PHF24: variants seen among roughly 807,000 people sequenced by gnomAD.
The protein encoded by PHF24 is PHD finger protein 24, also known as Galpha inhibitory interacting protein.
Under a neutral mutation model 42.6 loss-of-function variants are expected in PHF24, and 25 were observed. The observed-to-expected ratio is 0.59, with a 90% CI of 0.43 to 0.82. The LOEUF (loss-of-function observed/expected upper bound fraction) is 0.82. PHF24 is among the 40% of genes least tolerant of loss of function. The pLI is 0.00. For synonymous variants in PHF24, 185 were observed against 204.8 expected, an observed-to-expected ratio of 0.90 and a Z score of 0.83; for missense variants, 470 against 538.1, an observed-to-expected ratio of 0.87 and a Z score of 1.25.
At chr9:34,829,072 G>A in the PHF24 span, among the ~76,000 whole-genome samples, 7 of 152,120 alleles carry the variant, frequency 4.6e-5, no homozygotes, top group Non-Finnish European at 1.0e-4. Context: ...CTGCAGTAAT[G>A]GTAGCAGTAG....
chr9:34,765,814 G>T, the PHF24 span, among the ~76,000 whole-genome samples: 1 of 152,246 alleles, frequency 6.6e-6, no homozygotes, highest in East Asian at 1.9e-4. Context: ...TTTACAATTT[G>T]GCATGATTTT....
chr9:34,883,217 G>C, the PHF24 span, among the ~76,000 whole-genome samples: 1 of 152,148 alleles, frequency 6.6e-6, no homozygotes, highest in Non-Finnish European at 1.5e-5. Flanking sequence ...ATTAATTCAA[G>C]ATGGATTAAA....
the PHF24 span, among the ~76,000 whole-genome samples, chr9:34,824,546 A>G: frequency 2.6e-5 from 4 of 152,100 alleles, no homozygotes; most frequent in Admixed American, 2.6e-4. Context: ...GTTTGGAACT[A>G]GGTTTGTGGT....
At chr9:34,772,086 CAGGTTTCAGCTG>C in the PHF24 span, among the ~76,000 whole-genome samples, 3 of 152,128 alleles carry the variant, frequency 2.0e-5, no homozygotes, top group Non-Finnish European at 4.4e-5. Flanking sequence ...GGTTTCAGCT[CAGGTTTCAGCTG>C]AGGTTTCAGC....
chr9:34,914,820 C>G, the PHF24 span, among the ~76,000 whole-genome samples: 2 of 151,922 alleles, frequency 1.3e-5, no homozygotes, highest in Admixed American at 1.3e-4. Flanking sequence ...AGGTCTTGCT[C>G]TGTCACCTAG....
chr9:34,697,618 C>G, the PHF24 span, among the ~76,000 whole-genome samples: 3 of 152,192 alleles, frequency 2.0e-5, no homozygotes, highest in East Asian at 1.9e-4. Flanking sequence ...CCGCACCCAG[C>G]CTTCACGTTT....
At chr9:34,976,590 G>T in exon 5 of PHF24, 2 of 1,614,168 alleles carry the variant, frequency 1.2e-6, no homozygotes, top group Middle Eastern at 1.7e-4. Flanking sequence ...CAGCCAAGCG[G>T]GGGGACCGTG....
chr9:34,881,653 TAA>T, the PHF24 span, among the ~76,000 whole-genome samples: 1 of 152,074 alleles, frequency 6.6e-6, no homozygotes, highest in Non-Finnish European at 1.5e-5. Context: ...CTCCCAAGAC[TAA>T]ACCAGGAAGA....
the PHF24 span, among the ~76,000 whole-genome samples, chr9:34,880,044 T>G: frequency 6.6e-6 from 1 of 152,192 alleles, no homozygotes; most frequent in Non-Finnish European, 1.5e-5. Flanking sequence ...GGGGCCAATA[T>G]TCAACATTCT....
At chr9:34,972,270 G>T (rs1827019029) in intron 2 of PHF24, 76 bp from the exon 3 acceptor site, 2 of 1,337,804 alleles carry the variant, frequency 1.5e-6, no homozygotes, top group African/African-American at 2.9e-5. Context: ...CATGCAGGTA[G>T]CTCTGTGCTT....
At chr9:34,964,444 G>T (rs1246861904) in intron 1 of PHF24, among the ~76,000 whole-genome samples, 1 of 152,172 alleles carries the variant, frequency 6.6e-6, no homozygotes, top group Non-Finnish European at 1.5e-5. Flanking sequence ...CATTTAACAG[G>T]CTGCATGAGG....
chr9:34,977,459 T>G, intron 6 of PHF24, 87 bp from the exon 7 acceptor site: 1 of 1,379,218 alleles, frequency 7.3e-7, no homozygotes, highest in South Asian at 1.2e-5. Flanking sequence ...TGGATGAGCA[T>G]GTCCAGAGCC....
chr9:34,685,796 G>T, the PHF24 span, among the ~76,000 whole-genome samples: 1 of 152,184 alleles, frequency 6.6e-6, no homozygotes, highest in African/African-American at 2.4e-5. Flanking sequence ...AAAAGTAGTG[G>T]CTTTCCCTAT....
the PHF24 span, among the ~76,000 whole-genome samples, chr9:34,889,840 G>T: frequency 6.6e-6 from 1 of 152,196 alleles, no homozygotes; most frequent in Non-Finnish European, 1.5e-5. Flanking sequence ...GGCCCAGCAA[G>T]TAATGGCCCA....
the PHF24 span, among the ~76,000 whole-genome samples, chr9:34,857,149 A>G: frequency 2.0e-5 from 3 of 152,162 alleles, 1 homozygote; most frequent in Middle Eastern, 0.01. Context: ...TCTTCCCCCT[A>G]GGAACTTGGT....
At chr9:34,770,745 T>G in the PHF24 span, among the ~76,000 whole-genome samples, 1 of 150,830 alleles carries the variant, frequency 6.6e-6, no homozygotes, top group African/African-American at 2.5e-5. Context: ...GCAACACTTT[T>G]GAAACCGTGT....
At chr9:34,927,435 G>A in the PHF24 span, among the ~76,000 whole-genome samples, 1 of 152,180 alleles carries the variant, frequency 6.6e-6, no homozygotes, top group Non-Finnish European at 1.5e-5. Context: ...CCCACAGGGA[G>A]TGGGATGGGG....
the PHF24 span, among the ~76,000 whole-genome samples, chr9:34,706,851 C>G: frequency 6.6e-6 from 1 of 151,990 alleles, no homozygotes; most frequent in Non-Finnish European, 1.5e-5. Flanking sequence ...AAATGCCGGG[C>G]ATAGAGGCTC....
chr9:34,780,290 CT>C, the PHF24 span, among the ~76,000 whole-genome samples: 13 of 113,952 alleles, frequency 1.1e-4, no homozygotes, highest in Admixed American at 6.5e-4. Context: ...TCTTTTTTTT[CT>C]TTTTTTCTTT....
Sources: allele counts gnomAD v4.1 joint callset (sites outside exome capture counted in the v4.1 genomes callset), GRCh38; gene constraint gnomAD v4.1.1; transcripts MANE v1.5; gene names NCBI Gene and HGNC (gene_info 2026-07-23, HGNC 2026-07-21).